Variants in EPHA6 observed in about 807,000 individuals in gnomAD.
EPHA6 encodes the protein EPH receptor A6, also known as ephrin type-A receptor 6.
EPHA6 carries 50 observed loss-of-function variants against 112.0 expected under a neutral mutation model. That is an observed-to-expected ratio of 0.45 (90% CI 0.36 to 0.56). EPHA6 has a LOEUF of 0.56. EPHA6 is among the 20% of genes least tolerant of loss of function. The pLI is 0.00. For missense variants in EPHA6, 1,280 were observed against 1,417.4 expected (o/e 0.90, Z 1.56); for synonymous variants, 529 against 490.7 (o/e 1.08, Z -1.03).
chr3:97,153,055 T>G (rs1012736017), intron 3 of EPHA6, among the ~76,000 whole-genome samples: 2 of 152,054 alleles, frequency 1.3e-5, no homozygotes, highest in African/African-American at 4.8e-5. Context: ...TTATACCTAG[T>G]AAAAATGTTA....
At chr3:96,886,828 G>C (rs116538836) in intron 2 of EPHA6, among the ~76,000 whole-genome samples, 2,194 of 152,064 alleles carry the variant, frequency 0.014, 60 homozygotes, top group African/African-American at 0.05. Context: ...TGTGTTTTTG[G>C]GATTTGTTTC....
intron 2 of EPHA6, among the ~76,000 whole-genome samples, chr3:96,892,421 C>T (rs926332485): frequency 8.6e-5 from 13 of 151,966 alleles, no homozygotes; most frequent in African/African-American, 3.1e-4. Context: ...TAGAGTTTCG[C>T]CGTATTGGCC....
intron 5 of EPHA6, among the ~76,000 whole-genome samples, chr3:97,327,814 A>G (rs2082512351): frequency 6.7e-6 from 1 of 148,612 alleles, no homozygotes; most frequent in Non-Finnish European, 1.5e-5. Flanking sequence ...TTATTGCTGA[A>G]TGATATTCCT....
chr3:97,335,802 A>G (rs2083028147), intron 5 of EPHA6, among the ~76,000 whole-genome samples: 1 of 152,160 alleles, frequency 6.6e-6, no homozygotes, highest in South Asian at 2.1e-4. Flanking sequence ...TATTCCTCAC[A>G]TCAGTCTCCC....
chr3:97,035,051 A>G (rs937625787), intron 3 of EPHA6, among the ~76,000 whole-genome samples: 2 of 151,890 alleles, frequency 1.3e-5, no homozygotes, highest in Non-Finnish European at 2.9e-5. Context: ...TCTTTTTAAC[A>G]CCCTGACTTT....
chr3:97,709,562 C>T (rs1239930023), intron 14 of EPHA6, among the ~76,000 whole-genome samples: 1 of 152,216 alleles, frequency 6.6e-6, no homozygotes, highest in Non-Finnish European at 1.5e-5. Context: ...GAATGAGTTA[C>T]AACTTCGAGT....
chr3:97,026,934 C>T (rs1028837622), intron 3 of EPHA6, among the ~76,000 whole-genome samples: 4 of 152,120 alleles, frequency 2.6e-5, no homozygotes, highest in African/African-American at 9.7e-5. Context: ...AATCTCATTA[C>T]TGGGTATATA....
rs536816505 is a variant in EPHA6 at position 96,934,766 on chromosome 3, T to G, written c.451-52564T>G. Among the ~76,000 whole-genome samples the G allele has an allele frequency of 2.0e-5, 3 of 151,734 alleles. No individual in the cohort carries two copies. In the South Asian group the frequency reaches 6.2e-4, roughly 32 times the overall value. ...ATGAAATTTAAATAAAATTCACAAATTAAGTACCATAAAATAATCACATAA... is the reference window on the plus strand; with the variant it reads ...ATGAAATTTAAATAAAATTCACAAAGTAAGTACCATAAAATAATCACATAA... On this transcript the variant is annotated intron_variant, in intron 2 of 17. Transcript: ENST00000389672.
At chr3:97,504,869 C>T (rs1007045118) in intron 10 of EPHA6, among the ~76,000 whole-genome samples, 2 of 151,988 alleles carry the variant, frequency 1.3e-5, no homozygotes, top group African/African-American at 2.4e-5. Context: ...TGTACATTTT[C>T]CATGTTATTA....
chr3:97,737,569 A>G (rs2107858948), intron 16 of EPHA6, among the ~76,000 whole-genome samples: 1 of 152,192 alleles, frequency 6.6e-6, no homozygotes, highest in South Asian at 2.1e-4. Flanking sequence ...TCTTTCTTAT[A>G]CAAGTTGGCT....
intron 3 of EPHA6, among the ~76,000 whole-genome samples, chr3:97,007,597 C>T (rs2043933504): frequency 1.3e-5 from 2 of 152,106 alleles, no homozygotes; most frequent in South Asian, 2.1e-4. Flanking sequence ...GGCATTTAGC[C>T]CATTTACATT....
intron 2 of EPHA6, among the ~76,000 whole-genome samples, chr3:96,986,948 T>C (rs1394637504): frequency 6.6e-6 from 1 of 152,222 alleles, no homozygotes; most frequent in Non-Finnish European, 1.5e-5. Context: ...TCTGATAAGA[T>C]AATGGATGCT....
rs1431434033 is a variant in EPHA6, at chr3:97,448,549, CT to C, written c.1732-12del. 1.2e-6 allele frequency: 2 copies of C among 1,611,558 alleles called. No individual in the cohort carries two copies. The highest frequency in any genetic ancestry group is 1.3e-5 in the African/African-American group (1 of 74,922). ...ATAACTCTGTTTCATTTCCTTTCTC[CT>C]TTTTTTCTGTCCCCCAGGAACATGA... On this transcript the variant is annotated intron_variant, in intron 6 of 17. Coordinates refer to ENST00000389672, the MANE Select transcript of EPHA6 (RefSeq NM_001080448.3).
chr3:97,591,084 C>T (rs2093539701), intron 11 of EPHA6, among the ~76,000 whole-genome samples: 1 of 152,180 alleles, frequency 6.6e-6, no homozygotes, highest in Admixed American at 6.5e-5. Flanking sequence ...GACTCCAGCT[C>T]TTCATGACAG....
At chr3:96,927,353 C>T (rs561002177) in intron 2 of EPHA6, among the ~76,000 whole-genome samples, 2 of 152,348 alleles carry the variant, frequency 1.3e-5, no homozygotes, top group Non-Finnish European at 2.9e-5. Context: ...GCCCTGGAAA[C>T]ATTTTCTCCA....
intron 9 of EPHA6, chr3:97,481,250 A>G: frequency 6.9e-7 from 1 of 1,441,012 alleles, no homozygotes. Flanking sequence ...TAGATCACGT[A>G]CATAACCAGG....
intron 3 of EPHA6, among the ~76,000 whole-genome samples, chr3:97,024,760 G>A (rs959623230): frequency 1.5e-4 from 23 of 152,200 alleles, no homozygotes; most frequent in South Asian, 4.1e-4. Flanking sequence ...TTGCAAAGCC[G>A]TTCCCTTATT....
At chr3:97,410,177 T>C (rs146521278) in intron 6 of EPHA6, among the ~76,000 whole-genome samples, 2 of 152,190 alleles carry the variant, frequency 1.3e-5, no homozygotes, top group African/African-American at 4.8e-5. Flanking sequence ...TAAGTCTTTT[T>C]TCTTCCTCCG....
At position 97,213,367 on chromosome 3, in the gene EPHA6, A is replaced by G. The variant is rs2077932662; in HGVS notation, c.1115-12897A>G. Among the ~76,000 whole-genome samples, 5 of 152,238 alleles carry G rather than the reference A, an allele frequency of 3.3e-5. No individual in the cohort carries two copies. In the South Asian group the frequency reaches 1.0e-3, roughly 31 times the overall value. ...AACAAACAAGAAAATTTACTTTCTT[A>G]AGAATTTCGGCTCCTGTGTTTCCCA... On this transcript the variant is annotated intron_variant, in intron 3 of 17. Transcript: ENST00000389672.
Sources: gnomAD v4.1 joint callset for allele counts (sites outside exome capture counted in the v4.1 genomes callset) on GRCh38, gnomAD v4.1.1 for gene constraint, MANE v1.5 for transcripts, NCBI Gene and HGNC (gene_info 2026-07-23, HGNC 2026-07-21) for gene names.